The following RGPD4 variants were observed in gnomAD, a reference collection of about 807,000 sequenced individuals.
RGPD4 encodes the protein ranBP2-like and GRIP domain-containing protein 4.
RGPD4 carries 84 observed loss-of-function variants against 141.1 expected under a neutral mutation model. The observed-to-expected ratio is 0.60, with a 90% CI of 0.50 to 0.71. The LOEUF is 0.71. RGPD4 is among the 30% of genes least tolerant of loss of function. The pLI is 0.00. For missense variants in RGPD4, 918 were observed against 1,622.4 expected (o/e 0.57, Z 7.46); for synonymous variants, 298 against 566.8 (o/e 0.53, Z 6.74).
chr2:107,886,804 T>G (rs1675525928), intron 22 of RGPD4, among the ~76,000 whole-genome samples: 1 of 152,148 alleles, frequency 6.6e-6, no homozygotes. Flanking sequence ...AAGTACCTTT[T>G]ACCTCTCTCA....
At chr2:107,887,007 A>C (rs1243819140) in intron 22 of RGPD4, among the ~76,000 whole-genome samples, 1 of 150,234 alleles carries the variant, frequency 6.7e-6, no homozygotes, top group East Asian at 1.9e-4. Flanking sequence ...GTTTGAGAAG[A>C]CCAGGCAGGA....
intron 1 of RGPD4, among the ~76,000 whole-genome samples, chr2:107,828,726 G>A (rs1167654181): frequency 1.2e-4 from 3 of 24,742 alleles, no homozygotes; most frequent in African/African-American, 3.9e-4. Flanking sequence ...GGGCGGCGGC[G>A]GCCTCGACCT....
In RGPD4 at chr2:107,872,804, A is replaced by G. The variant is rs1682979639; in HGVS notation, c.4800A>G (p.Lys1600=). ...QSGSESKVEP[K]KCELSKNSDI... The stretch of plus-strand genomic sequence containing the variant: ...GATCTGAAAGCAAAGTGGAACCTAA[A>G]AAATGTGAACTGTCAAAGAACTCTG... The change falls in exon 20 of 23, where the codon AAA becomes AAG. Residue 1600 remains lysine (K), a synonymous_variant. Coordinates refer to ENST00000408999, the MANE Select transcript of RGPD4 (RefSeq NM_182588.3). The G allele has an allele frequency of 1.2e-6, 2 of 1,610,424 alleles. No individual in the cohort carries two copies. The highest frequency in any genetic ancestry group is 2.2e-5 in the South Asian group (2 of 90,946).
rs832334 is a variant in RGPD4, at chr2:107,891,592, A to G, written c.*861A>G. On this transcript the variant is annotated 3_prime_UTR_variant, in exon 23 of 23. Coordinates refer to ENST00000408999, the MANE Select transcript of RGPD4 (RefSeq NM_182588.3). ...GTTGTCAGAGCCCTAGAGCTGGCTAATGTAACACTGACTATGAGTAGGTGG... is the reference window on the plus strand; with the variant it reads ...GTTGTCAGAGCCCTAGAGCTGGCTAGTGTAACACTGACTATGAGTAGGTGG... 0.43 allele frequency among the ~76,000 whole-genome samples: 20,503 copies of G among 47,822 alleles called. 6,375 individuals carry two copies. The highest frequency in any genetic ancestry group is 0.75 in the Middle Eastern group (93 of 124). The allele number at this position is 47,822 out of a possible 152,430, so 31.4% of individuals were successfully genotyped here. A position where few individuals can be genotyped will look rare whatever the true frequency, so the allele number is the denominator to read the frequency against.
chr2:107,857,638 T>C (rs1422967523), intron 9 of RGPD4, among the ~76,000 whole-genome samples: 4 of 151,766 alleles, frequency 2.6e-5, no homozygotes, highest in Non-Finnish European at 5.9e-5. Flanking sequence ...TCTCCCTTTG[T>C]TGCCCAGGCT....
chr2:107,883,094 T>C (rs1378916888), intron 22 of RGPD4: 5 of 662,950 alleles, frequency 7.5e-6, no homozygotes, highest in Non-Finnish European at 1.4e-5. Context: ...ATACAATAAG[T>C]GCTTAGCTTG....
At chr2:107,830,054 CCTT>C (rs1450983602) in intron 1 of RGPD4, among the ~76,000 whole-genome samples, 1 of 151,936 alleles carries the variant, frequency 6.6e-6, no homozygotes, top group African/African-American at 2.4e-5. Context: ...CGGAAAGTCC[CCTT>C]GTTTTGAGTA....
In RGPD4 at chr2:107,854,799, G is replaced by A. The variant is rs550267526; in HGVS notation, c.1066+156G>A. ...AGAGCAATAGGTATGGAAGAGATGC[G>A]AAGAAATAGCACATTCTTTTAAAAA... On this transcript the variant is annotated intron_variant, in intron 8 of 22. Transcript: ENST00000408999. Among the ~76,000 whole-genome samples, 1,024 of 152,046 alleles carry A rather than the reference G, an allele frequency of 6.7e-3. 9 individuals are homozygous for A. The highest frequency in any genetic ancestry group is 0.023 in the African/African-American group (954 of 41,526).
rs534556644 is a variant in RGPD4, at chr2:107,854,307, G to T, written c.979-249G>T. Among the ~76,000 whole-genome samples the T allele has an allele frequency of 2.7e-5, 4 of 150,742 alleles. No individual in the cohort carries two copies. In the East Asian group the frequency reaches 7.8e-4, roughly 30 times the overall value. Reference sequence around the variant, plus strand: ...TCGAACTCCTGACCTCAAGTGATCAGCCCACCTTGGCCTCCCAGACAGAGT... The same window carrying T: ...TCGAACTCCTGACCTCAAGTGATCATCCCACCTTGGCCTCCCAGACAGAGT... On this transcript the variant is annotated intron_variant, in intron 7 of 22. Transcript: ENST00000408999.
At chr2:107,834,446 A>G (rs927842871) in intron 1 of RGPD4, among the ~76,000 whole-genome samples, 38 of 152,122 alleles carry the variant, frequency 2.5e-4, no homozygotes, top group Admixed American at 2.4e-3. Flanking sequence ...TAACATGATA[A>G]AAATCTCACA....
chr2:107,830,187 A>T (rs1427958662), intron 1 of RGPD4, among the ~76,000 whole-genome samples: 2 of 151,856 alleles, frequency 1.3e-5, no homozygotes, highest in Admixed American at 1.3e-4. Flanking sequence ...TAAAAAAAAA[A>T]ATTCTAAAGT....
At chr2:107,830,514 T>C (rs1681446124) in intron 1 of RGPD4, among the ~76,000 whole-genome samples, 1 of 152,172 alleles carries the variant, frequency 6.6e-6, no homozygotes, top group Admixed American at 6.5e-5. Context: ...CGATTGGTTA[T>C]TATGGCACCT....
At chr2:107,861,550 T>A in intron 14 of RGPD4, 44 bp from the exon 15 acceptor site, 1 of 1,604,706 alleles carries the variant, frequency 6.2e-7, no homozygotes. Flanking sequence ...GAAAGTTTTT[T>A]GTTTTAAAAA....
intron 22 of RGPD4, among the ~76,000 whole-genome samples, 173 bp from the exon 23 acceptor site, chr2:107,890,548 C>CAAAAAA (rs1210623696): frequency 1.2e-4 from 2 of 16,286 alleles, no homozygotes; most frequent in Non-Finnish European, 9.6e-5. Context: ...GACCCTGTCT[C>CAAAAAA]AAAAAAAAAA....
In RGPD4 at chr2:107,827,072, C is replaced by G. The variant is rs753552830; in HGVS notation, c.59C>G (p.Pro20Arg). The part of the protein sequence containing the change: ...RYVASVQGSA[P>R]SPRKKSTRGF... Reference sequence around the variant, plus strand: ...GTCGCCTCCGTGCAGGGCTCCGCCCCGTCGCCTCGAAAGGTGAGTGGATCT... The same window carrying G: ...GTCGCCTCCGTGCAGGGCTCCGCCCGGTCGCCTCGAAAGGTGAGTGGATCT... Residue 20 changes from proline to arginine, a missense_variant, in exon 1 of 23, where the codon CCG becomes CGG. Coordinates refer to ENST00000408999, the MANE Select transcript of RGPD4 (RefSeq NM_182588.3). 4 of 1,591,072 alleles carry G rather than the reference C, an allele frequency of 2.5e-6. No individual in the cohort carries two copies. The highest frequency in any genetic ancestry group is 1.7e-5 in the Admixed American group (1 of 57,240).
Position 107,880,054 on chromosome 2 carries a change from G to A in RGPD4, c.5011G>A (p.Gly1671Ser), listed in dbSNP as rs775238545. Residue 1671 changes from glycine (G) to serine (S), a missense_variant, in exon 21 of 23, where the codon GGC becomes AGC. Physicochemically the swap from Gly to Ser is moderately conservative, Grantham distance 56. Transcript: ENST00000408999. ...STTKSADHLN[G>S]LLREAEATSA... ...CACAAAAAGTGCAGATCACTTAAAC[G>A]GCCTGCTTCGGGAAGCAGAGGCAAC... The A allele has an allele frequency of 2.3e-5, 37 of 1,611,158 alleles. 1 individual carries two copies. Among genetic ancestry groups the A allele is most frequent in the East Asian group, 8.9e-5 (4 of 44,878 alleles).
chr2:107,886,821 TG>T (rs1675526573), intron 22 of RGPD4, among the ~76,000 whole-genome samples: 1 of 152,098 alleles, frequency 6.6e-6, no homozygotes, highest in Non-Finnish European at 1.5e-5. Flanking sequence ...CTCATCTCCT[TG>T]GAAGCAAATG....
chr2:107,831,714 G>A (rs1351797969), intron 1 of RGPD4, among the ~76,000 whole-genome samples: 3 of 143,780 alleles, frequency 2.1e-5, no homozygotes, highest in African/African-American at 7.8e-5. Flanking sequence ...GGGACTACAG[G>A]CACCCGCCAC....
rs774539051 is a variant in RGPD4 at position 107,827,093 on chromosome 2, G to A, written c.72+8G>A. The A allele has an allele frequency of 4.2e-5, 66 of 1,587,656 alleles. 2 individuals carry two copies. In the African/African-American group the frequency reaches 6.2e-4, roughly 15 times the overall value. ...GCCCCGTCGCCTCGAAAGGTGAGTGGATCTCGAAGAGACCGACGGCCTCGA... is the reference window on the plus strand; with the variant it reads ...GCCCCGTCGCCTCGAAAGGTGAGTGAATCTCGAAGAGACCGACGGCCTCGA... On this transcript the variant is annotated splice_region_variant and intron_variant, in intron 1 of 22. Coordinates refer to ENST00000408999, the MANE Select transcript of RGPD4 (RefSeq NM_182588.3).
Sources: gnomAD v4.1 joint callset for allele counts (sites outside exome capture counted in the v4.1 genomes callset) on GRCh38, gnomAD v4.1.1 for gene constraint, MANE v1.5 for transcripts, NCBI Gene and HGNC (gene_info 2026-07-23, HGNC 2026-07-21) for gene names.